GARRE1: variants seen among roughly 807,000 people sequenced by gnomAD.
The protein encoded by GARRE1 is granule associated Rac and RHOG effector 1.
GARRE1 carries 49 observed loss-of-function variants against 103.2 expected under a neutral mutation model. The ratio of observed to expected loss-of-function variants is 0.47; its 90% CI spans 0.38 to 0.60. The LOEUF is 0.60. Ranked by LOEUF, GARRE1 falls within the 20% of genes least tolerant of loss-of-function variation. The pLI is 0.00. For missense variants in GARRE1, 1,199 were observed against 1,370.5 expected, an observed-to-expected ratio of 0.87 and a Z score of 1.98; for synonymous variants, 505 against 532.8, an observed-to-expected ratio of 0.95 and a Z score of 0.72.
chr19:34,317,767 A>G (rs2074066669), intron 2 of GARRE1, among the ~76,000 whole-genome samples: 1 of 152,230 alleles, frequency 6.6e-6, no homozygotes, highest in Non-Finnish European at 1.5e-5. Flanking sequence ...ATGACCTCAT[A>G]GGGTGGTTCC....
In GARRE1 at chr19:34,320,112, C is replaced by T. The variant is rs2074079218; in HGVS notation, c.701C>T (p.Ala234Val). 2 of 1,613,464 alleles carry T rather than the reference C, an allele frequency of 1.2e-6. No individual in the cohort carries two copies. Among genetic ancestry groups the T allele is most frequent in the Non-Finnish European group, 1.7e-6 (2 of 1,179,892 alleles). ...EEAVRSWRGA[A>V]EATSRLRERG... The stretch of plus-strand genomic sequence containing the variant: ...GCTGTGCGGTCCTGGCGGGGGGCTG[C>T]TGAGGTAACCCTGGCTTTGGGGAGA... Residue 234 changes from alanine (A) to valine (V), a missense_variant, in exon 3 of 14, where the codon GCT (alanine) becomes GTT (valine). Transcript: ENST00000299505.
chr19:34,282,860 C>A (rs1216092669), intron 1 of GARRE1, among the ~76,000 whole-genome samples: 1 of 152,236 alleles, frequency 6.6e-6, no homozygotes, highest in African/African-American at 2.4e-5. Flanking sequence ...TTTGGCCCTG[C>A]ATGTTGTAAA....
chr19:34,315,527 C>T (rs894827530), intron 2 of GARRE1, among the ~76,000 whole-genome samples: 43 of 151,874 alleles, frequency 2.8e-4, no homozygotes, highest in African/African-American at 7.5e-4. Flanking sequence ...CTGGCTAACA[C>T]GGTGAAACCC....
intron 2 of GARRE1, among the ~76,000 whole-genome samples, chr19:34,313,363 G>A (rs570126735): frequency 3.9e-4 from 60 of 152,342 alleles, no homozygotes; most frequent in African/African-American, 1.3e-3. Flanking sequence ...TGAAGCAAGG[G>A]TGATGCTGCT....
At chr19:34,308,475 G>A (rs751845056) in intron 2 of GARRE1, among the ~76,000 whole-genome samples, 5 of 152,068 alleles carry the variant, frequency 3.3e-5, no homozygotes, top group Non-Finnish European at 5.9e-5. Flanking sequence ...TTTTTGCTGA[G>A]GTGAATCTGC....
intron 2 of GARRE1, among the ~76,000 whole-genome samples, chr19:34,315,521 C>T (rs1415991960): frequency 6.6e-6 from 1 of 152,040 alleles, no homozygotes. Flanking sequence ...ACCATCCTGG[C>T]TAACACGGTG....
At chr19:34,268,388 TC>T (rs1441390185) in intron 1 of GARRE1, among the ~76,000 whole-genome samples, 1 of 152,182 alleles carries the variant, frequency 6.6e-6, no homozygotes, top group Non-Finnish European at 1.5e-5. Flanking sequence ...TGTTTCTTCT[TC>T]CTTTGAAGAT....
In GARRE1 at chr19:34,287,345, C is replaced by G. The variant is rs529793213; in HGVS notation, c.-795-12334C>G. Among the ~76,000 whole-genome samples the G allele has an allele frequency of 1.4e-4, 21 of 152,132 alleles. No individual in the cohort carries two copies. In the South Asian group the frequency reaches 1.7e-3, roughly 12 times the overall value. On this transcript the variant is annotated intron_variant, in intron 1 of 13. Coordinates refer to ENST00000299505, the MANE Select transcript of GARRE1 (RefSeq NM_014686.5). ...TTTTTTGTTGTTGTTTGTTTAGAGA[C>G]AAGATCTCACTATTTTGCCCAGACT...
At position 34,347,889 on chromosome 19, in the gene GARRE1, C is replaced by T; in HGVS notation, c.2534C>T (p.Pro845Leu). The change falls in exon 11 of 14, where the codon CCA (proline) becomes CTA (leucine). Residue 845 changes from proline to leucine, a missense_variant. Pro to Leu is a moderately conservative substitution (Grantham distance 98). Transcript: ENST00000299505. ...LPFDPAVGSD[P>L]EFARYVAGVS... is the part of the protein sequence containing the mutation. Reference sequence around the variant, plus strand: ...TGTCCCAATGCAGTGGGCTCAGACCCAGAGTTTGCACGCTATGTGGCAGGA... The same window carrying T: ...TGTCCCAATGCAGTGGGCTCAGACCTAGAGTTTGCACGCTATGTGGCAGGA... The T allele has an allele frequency of 6.4e-7, 1 of 1,562,162 alleles. No homozygotes were observed. The highest frequency in any genetic ancestry group is 8.7e-7 in the Non-Finnish European group (1 of 1,150,146).
intron 1 of GARRE1, among the ~76,000 whole-genome samples, chr19:34,271,880 A>G (rs962901222): frequency 1.3e-5 from 2 of 151,938 alleles, no homozygotes; most frequent in Non-Finnish European, 2.9e-5. Flanking sequence ...AGCCTTTGGC[A>G]GGCTGGCTTC....
chr19:34,280,185 A>G (rs1379982724), intron 1 of GARRE1, among the ~76,000 whole-genome samples: 3 of 151,944 alleles, frequency 2.0e-5, no homozygotes, highest in Non-Finnish European at 4.4e-5. Context: ...ATGAGAACCC[A>G]CTCACTATTG....
intron 3 of GARRE1, among the ~76,000 whole-genome samples, chr19:34,322,281 C>T (rs896960173): frequency 2.6e-5 from 4 of 152,018 alleles, no homozygotes; most frequent in Admixed American, 6.5e-5. Flanking sequence ...AAGCCATTCT[C>T]CTGCCTCAGC....
Position 34,300,521 on chromosome 19 carries a change from C to T in GARRE1, c.48C>T (p.Arg16=). Residue 16 remains arginine, a synonymous_variant, in exon 2 of 14, where the codon CGC becomes CGT. Transcript: ENST00000299505. ...ACAGTAAAATGGACTACAAGCGGCG[C>T]TTCCTGCTTGGCGGGTCCAAGCAGA... ...AQDSKMDYKR[R]FLLGGSKQKV... The T allele has an allele frequency of 6.2e-7, 1 of 1,612,912 alleles. No homozygotes were observed.
intron 8 of GARRE1, 147 bp downstream of exon 8, chr19:34,333,948 G>A (rs2145272930): frequency 1.5e-6 from 1 of 648,288 alleles, no homozygotes; most frequent in East Asian, 2.7e-5. Context: ...GCAGTGGTAT[G>A]TTAGTGGCAT....
At position 34,342,459 on chromosome 19, in the gene GARRE1, T is replaced by C. The variant is rs375517891; in HGVS notation, c.2521+4T>C. On this transcript the variant is annotated splice_donor_region_variant and intron_variant, in intron 10 of 13. Transcript: ENST00000299505. ...ATTCTGCCTTTTGATCCTGCAGGTA[T>C]GTGAGGCCTCCCATCCCTCGCCCAG... is the stretch of plus-strand genomic sequence containing the variant. 65 of 1,604,240 alleles carry C rather than the reference T, an allele frequency of 4.1e-5. 1 individual carries two copies. In the African/African-American group the frequency reaches 5.5e-4, roughly 14 times the overall value.
intron 1 of GARRE1, among the ~76,000 whole-genome samples, chr19:34,267,439 C>T (rs2073759154): frequency 1.3e-5 from 2 of 151,384 alleles, no homozygotes; most frequent in African/African-American, 4.9e-5. Context: ...CTCCTGAGCT[C>T]AAGCAGTCCT....
At chr19:34,254,806 G>A (rs924810935) in intron 1 of GARRE1, among the ~76,000 whole-genome samples, 192 bp downstream of exon 1, 6 of 149,748 alleles carry the variant, frequency 4.0e-5, no homozygotes, top group African/African-American at 9.7e-5. Flanking sequence ...GGAGGACGCC[G>A]GGCTTTGCGG....
At chr19:34,259,602 T>C (rs2073701878) in intron 1 of GARRE1, among the ~76,000 whole-genome samples, 1 of 152,202 alleles carries the variant, frequency 6.6e-6, no homozygotes, top group Non-Finnish European at 1.5e-5. Flanking sequence ...GCGTGTCTTA[T>C]TTACTGCTTT....
chr19:34,281,639 G>A (rs1412584636), intron 1 of GARRE1, among the ~76,000 whole-genome samples: 2 of 152,114 alleles, frequency 1.3e-5, no homozygotes, highest in African/African-American at 2.4e-5. Context: ...TGCCCAGGCT[G>A]GTCTTGAACT....
Sources: gnomAD v4.1 joint callset for allele counts (sites outside exome capture counted in the v4.1 genomes callset) on GRCh38, gnomAD v4.1.1 for gene constraint, MANE v1.5 for transcripts, NCBI Gene and HGNC (gene_info 2026-07-23, HGNC 2026-07-21) for gene names.